Variants in PTER observed in about 807,000 individuals in gnomAD.
The protein encoded by PTER is phosphotriesterase related.
PTER carries 38 observed loss-of-function variants against 29.6 expected under a neutral mutation model. That is an observed-to-expected ratio of 1.28 (90% confidence interval 0.99 to 1.68). The LOEUF is 1.68. PTER is among the 40% of genes most tolerant of loss of function. The pLI, the probability that PTER is intolerant of heterozygous loss-of-function variation, is 0.00. For synonymous variants in PTER, 172 were observed against 154.5 expected, an observed-to-expected ratio of 1.11 and a Z score of -0.84; for missense variants, 482 against 427.8, an observed-to-expected ratio of 1.13 and a Z score of -1.12.
In PTER at chr10:16,511,243, T is replaced by G. The variant is rs899943684; in HGVS notation, c.1037T>G (p.Leu346Arg). 1 of 1,613,622 alleles carries G rather than the reference T, an allele frequency of 6.2e-7. No individual in the cohort carries two copies. Among genetic ancestry groups the G allele is most frequent in the Non-Finnish European group, 8.5e-7 (1 of 1,179,602 alleles). The stretch of plus-strand genomic sequence containing the variant: ...CTAATAGAGAACCCTAAGCAATGGC[T>G]AACTTTCAAATAGGATGGTTGCTTA... ...KILIENPKQW[L>R]TFK Residue 346 changes from leucine (L) to arginine (R), a missense_variant, in exon 5 of 5, where the codon CTA becomes CGA. Leu to Arg is a moderately radical substitution (Grantham distance 102). Coordinates refer to ENST00000535784, the MANE Select transcript of PTER (RefSeq NM_001261836.2).
chr10:16,488,776 A>G (rs148512956), intron 3 of PTER, among the ~76,000 whole-genome samples: 1 of 152,032 alleles, frequency 6.6e-6, no homozygotes, highest in Admixed American at 6.6e-5. Flanking sequence ...GCTAATTTTT[A>G]TATTTTTTGT....
rs1206785458 is a variant in PTER, at chr10:16,511,964, T to C, written c.*708T>C. On this transcript the variant is annotated 3_prime_UTR_variant, in exon 5 of 5. Coordinates refer to ENST00000535784, the MANE Select transcript of PTER (RefSeq NM_001261836.2). The stretch of plus-strand genomic sequence containing the variant: ...ACACTACTGAATTATAAAAATTCAA[T>C]CATAAAAGTCAAAATATATTACATA... 1 of 152,414 alleles carries C rather than the reference T, an allele frequency of 6.6e-6. No homozygotes were observed. Among genetic ancestry groups the C allele is most frequent in the Non-Finnish European group, 1.5e-5 (1 of 67,992 alleles). 9.4% of individuals were successfully genotyped at this position (152,414 alleles called of 1,614,324 possible).
In PTER at chr10:16,511,343, T is replaced by C; in HGVS notation, c.*87T>C. 1 of 1,219,318 alleles carries C rather than the reference T, an allele frequency of 8.2e-7. No homozygotes were observed. Among genetic ancestry groups the C allele is most frequent in the Non-Finnish European group, 1.2e-6 (1 of 835,832 alleles). The allele number at this position is 1,219,318 out of a possible 1,614,324, so 75.5% of individuals were successfully genotyped here. A position where few individuals can be genotyped will look rare whatever the true frequency, so the allele number is the denominator to read the frequency against. Reference sequence around the variant, plus strand: ...CAGTCCACTGTGAGATATTAATCAGTTACCTAGGACTAATGACAGATCATT... The same window carrying C: ...CAGTCCACTGTGAGATATTAATCAGCTACCTAGGACTAATGACAGATCATT... On this transcript the variant is annotated 3_prime_UTR_variant, in exon 5 of 5. Coordinates refer to ENST00000535784, the MANE Select transcript of PTER (RefSeq NM_001261836.2).
At chr10:16,508,396 A>G (rs1836676225) in intron 4 of PTER, among the ~76,000 whole-genome samples, 2 of 152,024 alleles carry the variant, frequency 1.3e-5, no homozygotes, top group Non-Finnish European at 2.9e-5. Flanking sequence ...ATCATCTTGG[A>G]AATGGGAACT....
intron 1 of PTER, among the ~76,000 whole-genome samples, chr10:16,463,771 C>T (rs188400573): frequency 1.3e-5 from 2 of 152,230 alleles, no homozygotes; most frequent in Admixed American, 1.3e-4. Flanking sequence ...TGTTGGTCGA[C>T]GCCCAAAGGA....
intron 1 of PTER, among the ~76,000 whole-genome samples, chr10:16,480,972 C>T (rs568986942): frequency 1.3e-5 from 2 of 152,386 alleles, no homozygotes; most frequent in East Asian, 3.8e-4. Context: ...GGACTGTCCT[C>T]TGATTCTCTT....
intron 3 of PTER, among the ~76,000 whole-genome samples, chr10:16,494,260 G>T (rs1225369846): frequency 6.6e-6 from 1 of 152,132 alleles, no homozygotes; most frequent in African/African-American, 2.4e-5. Context: ...GTAATTCGGA[G>T]CCAACTTCTG....
chr10:16,448,946 C>T (rs1834108055), intron 1 of PTER, among the ~76,000 whole-genome samples: 1 of 152,178 alleles, frequency 6.6e-6, no homozygotes. Context: ...GCAATGAAAC[C>T]ACATCTGGTA....
At chr10:16,440,894 G>A (rs1833826449) in intron 1 of PTER, among the ~76,000 whole-genome samples, 1 of 152,238 alleles carries the variant, frequency 6.6e-6, no homozygotes, top group South Asian at 2.1e-4. Context: ...AATATTATCA[G>A]ATAAGCTGCA....
At chr10:16,438,467 T>TTGG (rs1208916870) in intron 1 of PTER, among the ~76,000 whole-genome samples, 1 of 102,412 alleles carries the variant, frequency 9.8e-6, no homozygotes, top group Admixed American at 1.0e-4. Flanking sequence ...TTTCTGTTTT[T>TTGG]TGTTTTTTTT....
At chr10:16,449,428 CT>C (rs35475659) in intron 1 of PTER, among the ~76,000 whole-genome samples, 40 of 101,852 alleles carry the variant, frequency 3.9e-4, no homozygotes, top group South Asian at 7.3e-4. Context: ...CAATAATTTT[CT>C]TTTTTTTTTT....
At chr10:16,444,118 C>T (rs1219967481) in intron 1 of PTER, among the ~76,000 whole-genome samples, 2 of 151,704 alleles carry the variant, frequency 1.3e-5, no homozygotes, top group Non-Finnish European at 2.9e-5. Context: ...TCTCCTGCCT[C>T]AGCCTCCCGA....
chr10:16,495,324 C>A (rs1180977929), intron 3 of PTER, among the ~76,000 whole-genome samples: 1 of 152,076 alleles, frequency 6.6e-6, no homozygotes, highest in African/African-American at 2.4e-5. Context: ...GCGTGCACTA[C>A]CACGCTCAGC....
At position 16,484,401 on chromosome 10, in the gene PTER, G is replaced by A; in HGVS notation, c.17G>A (p.Gly6Glu). The A allele has an allele frequency of 6.3e-7, 1 of 1,587,920 alleles. No individual in the cohort carries two copies. The change falls in exon 2 of 5, where the codon GGA becomes GAA. Residue 6 changes from glycine to glutamate, a missense_variant. By Grantham distance (98) the Gly-to-Glu change is moderately conservative. Transcript: ENST00000535784. ...CCATCAGAAATGTCTTCCTTAAGTG[G>A]AAAAGTCCAAACCGTTTTGGGCCTT... MSSLS[G>E]KVQTVLGLVE...
chr10:16,476,084 T>TATG (rs1835249382), intron 1 of PTER: 1 of 149,574 alleles, frequency 6.7e-6, no homozygotes, highest in Admixed American at 6.6e-5. Context: ...AACATTTATA[T>TATG]ATTATTATTA....
At chr10:16,494,711 A>C (rs1343942948) in intron 3 of PTER, among the ~76,000 whole-genome samples, 1 of 152,214 alleles carries the variant, frequency 6.6e-6, no homozygotes, top group African/African-American at 2.4e-5. Flanking sequence ...ACATATTTTT[A>C]ATCATAGGCA....
intron 1 of PTER, among the ~76,000 whole-genome samples, chr10:16,454,469 A>G (rs1834322759): frequency 6.6e-6 from 1 of 151,888 alleles, no homozygotes; most frequent in Non-Finnish European, 1.5e-5. Flanking sequence ...CCAGATACTT[A>G]GGAGGCTGAG....
chr10:16,492,244 G>A (rs1389733680), intron 3 of PTER, among the ~76,000 whole-genome samples: 1 of 152,128 alleles, frequency 6.6e-6, no homozygotes, highest in Non-Finnish European at 1.5e-5. Flanking sequence ...AACATTGCAG[G>A]GGGCTGCCCT....
chr10:16,518,279 G>C (rs1235080340), downstream of PTER, among the ~76,000 whole-genome samples: 1 of 152,156 alleles, frequency 6.6e-6, no homozygotes, highest in African/African-American at 2.4e-5. Flanking sequence ...AACTGTAGTA[G>C]TGTAGTAACC....
Sources: gnomAD v4.1 joint callset for allele counts (sites outside exome capture counted in the v4.1 genomes callset) on GRCh38, gnomAD v4.1.1 for gene constraint, MANE v1.5 for transcripts, NCBI Gene and HGNC (gene_info 2026-07-23, HGNC 2026-07-21) for gene names.